Variants in PRKCE observed in about 807,000 individuals in gnomAD.
PRKCE encodes the protein protein kinase C epsilon type.
PRKCE carries 16 observed loss-of-function variants against 85.4 expected under a neutral mutation model. The observed-to-expected ratio is 0.19, with a 90% CI of 0.13 to 0.28. The LOEUF is 0.28. Ranked by LOEUF, PRKCE falls within the 10% of genes least tolerant of loss-of-function variation. PRKCE has a pLI of 1.00. For missense variants in PRKCE, 573 were observed against 975.2 expected (o/e 0.59, Z 5.49); for synonymous variants, 388 against 371.5 (o/e 1.04, Z -0.51).
intron 14 of PRKCE, among the ~76,000 whole-genome samples, chr2:46,171,034 T>C (rs1334014476): frequency 6.6e-6 from 1 of 152,192 alleles, no homozygotes; most frequent in African/African-American, 2.4e-5. Flanking sequence ...GTCCCCCAGT[T>C]AGAAGCAGAA....
At chr2:46,039,325 G>T (rs367595348) in intron 10 of PRKCE, among the ~76,000 whole-genome samples, 2 of 152,168 alleles carry the variant, frequency 1.3e-5, no homozygotes, top group African/African-American at 4.8e-5. Context: ...TCCAGTGAGA[G>T]CATTCGTTCC....
chr2:45,725,711 G>A (rs1394130358), intron 1 of PRKCE, among the ~76,000 whole-genome samples: 1 of 151,976 alleles, frequency 6.6e-6, no homozygotes, highest in Admixed American at 6.6e-5. Flanking sequence ...CGCACCTGTA[G>A]TCCCAGCTAC....
intron 1 of PRKCE, among the ~76,000 whole-genome samples, chr2:45,783,179 A>C (rs1311967989): frequency 6.6e-6 from 1 of 152,182 alleles, no homozygotes; most frequent in East Asian, 1.9e-4. Flanking sequence ...GAAGCTCTAA[A>C]TGCTGGAATG....
intron 11 of PRKCE, among the ~76,000 whole-genome samples, chr2:46,103,809 A>T (rs979911872): frequency 1.3e-5 from 2 of 152,210 alleles, no homozygotes; most frequent in East Asian, 1.9e-4. Flanking sequence ...GAAGTGGATC[A>T]TCATAAAGGT....
chr2:46,106,968 G>A (rs1330805742), intron 11 of PRKCE, among the ~76,000 whole-genome samples: 2 of 152,130 alleles, frequency 1.3e-5, no homozygotes, highest in South Asian at 4.1e-4. Flanking sequence ...GTCACATTTT[G>A]CACTCCATCT....
At chr2:45,669,094 C>G (rs188507595) in intron 1 of PRKCE, among the ~76,000 whole-genome samples, 3 of 152,112 alleles carry the variant, frequency 2.0e-5, no homozygotes, top group Admixed American at 6.5e-5. Flanking sequence ...GTCTTAGAAG[C>G]CCACCCCCTC....
chr2:45,734,017 C>T lies in PRKCE; in HGVS notation c.348+81569C>T, dbSNP rs141232174. On this transcript the variant is annotated intron_variant, in intron 1 of 14. Transcript: ENST00000306156. ...TATATCTGCTGTATAGCAGGTGGCA[C>T]CATGTGGGCTGCGCAGTTGAGGCTG... Among the ~76,000 whole-genome samples the T allele has an allele frequency of 2.1e-3, 323 of 152,252 alleles. 1 individual carries two copies. The highest frequency in any genetic ancestry group is 0.021 in the South Asian group (101 of 4,824).
At chr2:46,038,651 TCACACACACACACACACA>T (rs3222422) in intron 10 of PRKCE, among the ~76,000 whole-genome samples, 2,325 of 128,726 alleles carry the variant, frequency 0.018, 67 homozygotes, top group African/African-American at 0.062. Flanking sequence ...AGTAACAACT[TCACACACACACACACACA>T]CACACACACA....
chr2:45,988,495 A>G (rs1244151263), intron 6 of PRKCE, among the ~76,000 whole-genome samples: 1 of 152,086 alleles, frequency 6.6e-6, no homozygotes, highest in Non-Finnish European at 1.5e-5. Context: ...TGCAGGGCAT[A>G]CAACCAGGAA....
chr2:45,777,308 C>T (rs1685827338), intron 1 of PRKCE, among the ~76,000 whole-genome samples: 1 of 151,960 alleles, frequency 6.6e-6, no homozygotes, highest in African/African-American at 2.4e-5. Flanking sequence ...GCACCTTGGT[C>T]CCCCTTCCTT....
At chr2:45,953,395 C>G (rs544952078) in intron 2 of PRKCE, among the ~76,000 whole-genome samples, 3 of 152,312 alleles carry the variant, frequency 2.0e-5, no homozygotes, top group Non-Finnish European at 2.9e-5. Flanking sequence ...ACTTTTCATA[C>G]GCTTTTCAAT....
rs754699724 is a variant in PRKCE, at chr2:45,907,491, C to T, written c.412+64428C>T. Among the ~76,000 whole-genome samples, 6 of 152,208 alleles carry T rather than the reference C, an allele frequency of 3.9e-5. No homozygotes were observed. Among genetic ancestry groups the T allele is most frequent in the Non-Finnish European group, 8.8e-5 (6 of 68,030 alleles). On this transcript the variant is annotated intron_variant, in intron 2 of 14. Coordinates refer to ENST00000306156, the MANE Select transcript of PRKCE (RefSeq NM_005400.3). This position sits in a 1 kb window ranked among gnomAD's most constrained non-coding sequence, Gnocchi z 4.5. The stretch of plus-strand genomic sequence containing the variant: ...TCCCTGCCACAGAGGTAACAATGGA[C>T]GAAGCACACTTCTGAGGGCGTCATC...
intron 2 of PRKCE, among the ~76,000 whole-genome samples, chr2:45,851,270 A>G (rs957091408): frequency 6.6e-5 from 10 of 152,234 alleles, no homozygotes; most frequent in Non-Finnish European, 1.5e-4. Context: ...ATTGACCACA[A>G]TTTGAACTTT....
chr2:46,015,861 G>T (rs1706098636), intron 10 of PRKCE, among the ~76,000 whole-genome samples: 1 of 152,210 alleles, frequency 6.6e-6, no homozygotes, highest in African/African-American at 2.4e-5. Context: ...CTACTCCGAA[G>T]GAGTTGGAGA....
intron 1 of PRKCE, among the ~76,000 whole-genome samples, chr2:45,670,733 C>T (rs368453777): frequency 6.6e-6 from 1 of 152,170 alleles, no homozygotes; most frequent in African/African-American, 2.4e-5. Context: ...GTTATCATTC[C>T]CCAGGGAAAG....
rs1704674911 is a variant in PRKCE at position 46,001,452 on chromosome 2, A to G, written c.872A>G (p.Asn291Ser). Residue 291 changes from asparagine to serine, a missense_variant, in exon 7 of 15, where the codon AAC becomes AGC. Coordinates refer to ENST00000306156, the MANE Select transcript of PRKCE (RefSeq NM_005400.3). The surrounding 1 kb of genome is among the most constrained non-coding windows in gnomAD (Gnocchi z 4.4). The part of the protein sequence containing the change: ...HRRCETNVAP[N>S]CGVDARGIAK... ...CGATGTGAGACCAACGTGGCTCCCAACTGTGGAGTGGATGCCAGAGGAATC... is the reference window on the plus strand; with the variant it reads ...CGATGTGAGACCAACGTGGCTCCCAGCTGTGGAGTGGATGCCAGAGGAATC... The G allele has an allele frequency of 6.3e-7, 1 of 1,599,434 alleles. No individual in the cohort carries two copies.
chr2:45,865,500 A>G (rs773077294), intron 2 of PRKCE, among the ~76,000 whole-genome samples: 1 of 152,166 alleles, frequency 6.6e-6, no homozygotes, highest in African/African-American at 2.4e-5. Context: ...GAATAGTGCT[A>G]TGTGTTGAAT....
intron 1 of PRKCE, among the ~76,000 whole-genome samples, chr2:45,829,363 C>T (rs10865208): frequency 0.63 from 96,304 of 151,982 alleles, 31,653 homozygotes; most frequent in African/African-American, 0.81. Flanking sequence ...TATTTTGGAG[C>T]TTCTATTCAA....
rs141349569 is a variant in PRKCE, at chr2:46,133,203, G to A, written c.1593-11890G>A. Among the ~76,000 whole-genome samples the A allele has an allele frequency of 5.3e-3, 800 of 152,230 alleles. 10 individuals carry two copies. Among genetic ancestry groups the A allele is most frequent in the African/African-American group, 0.018 (748 of 41,534 alleles). ...TCCACTTCCGCCAGGCTCCAAGAAC[G>A]CCCCCAGAAAGGTTACTCTTGGTCC... On this transcript the variant is annotated intron_variant, in intron 11 of 14. Transcript: ENST00000306156.
Sources: allele counts gnomAD v4.1 joint callset (sites outside exome capture counted in the v4.1 genomes callset), GRCh38; gene constraint gnomAD v4.1.1; non-coding constraint Gnocchi (gnomAD v3.1); transcripts MANE v1.5; gene names NCBI Gene and HGNC (gene_info 2026-07-23, HGNC 2026-07-21).